The following VGLL3 variants were observed in gnomAD, a reference collection of about 807,000 sequenced individuals.
VGLL3 encodes the protein transcription cofactor vestigial-like protein 3.
In VGLL3, 18 loss-of-function variants were observed where a neutral mutation model predicts 29.2. The observed-to-expected ratio is 0.62, with a 90% confidence interval of 0.43 to 0.91. VGLL3 has a LOEUF of 0.91. Among genes scored for constraint, VGLL3 ranks in the 40% least tolerant of loss-of-function variants. The probability of loss-of-function intolerance (pLI) is 0.00; values close to 1 mark genes in which losing one functional copy is unlikely to be tolerated. For synonymous variants in VGLL3, 180 were observed against 151.8 expected (o/e 1.19, Z -1.36); for missense variants, 440 against 413.2 (o/e 1.06, Z -0.56).
chr3:86,963,251 T>G (rs1021023457), intron 3 of VGLL3, among the ~76,000 whole-genome samples: 2 of 152,172 alleles, frequency 1.3e-5, no homozygotes, highest in Admixed American at 1.3e-4. Flanking sequence ...AAATCGTACC[T>G]AGCCCCAAAA....
intron 3 of VGLL3, among the ~76,000 whole-genome samples, chr3:86,949,608 C>T (rs1232199513): frequency 4.0e-5 from 6 of 151,874 alleles, no homozygotes; most frequent in South Asian, 4.2e-4. Flanking sequence ...GGGCGGATCA[C>T]GAGGTCAGGA....
chr3:86,974,130 T>G (rs1705161048), intron 2 of VGLL3, among the ~76,000 whole-genome samples: 1 of 152,062 alleles, frequency 6.6e-6, no homozygotes. Context: ...TATTTTTTTT[T>G]TTTTTTAGAT....
chr3:86,989,653 AATCT>A (rs1705536509), intron 1 of VGLL3, among the ~76,000 whole-genome samples: 1 of 152,140 alleles, frequency 6.6e-6, no homozygotes, highest in South Asian at 2.1e-4. Flanking sequence ...TTCCTAACCA[AATCT>A]AGTTATTTTT....
chr3:86,946,861 T>A lies in VGLL3; in HGVS notation c.*163A>T. On this transcript the variant is annotated 3_prime_UTR_variant, in exon 4 of 4. Coordinates refer to ENST00000398399, the MANE Select transcript of VGLL3 (RefSeq NM_016206.4). ...CTTTTCTTCAATGTCTGGGACCCAC[T>A]TTGCTTTCTCAAGAAAGGCCGAAAA... 1 of 584,360 alleles carries A rather than the reference T, an allele frequency of 1.7e-6. No homozygotes were observed. The highest frequency in any genetic ancestry group is 3.1e-6 in the Non-Finnish European group (1 of 323,058). The allele number at this position is 584,360 out of a possible 1,614,324, so 36.2% of individuals were successfully genotyped here.
At chr3:86,986,222 A>G (rs1305195503) in intron 1 of VGLL3, among the ~76,000 whole-genome samples, 1 of 152,074 alleles carries the variant, frequency 6.6e-6, no homozygotes, top group Non-Finnish European at 1.5e-5. Flanking sequence ...TAAGGGCTAG[A>G]TAAGGTAGAA....
chr3:86,976,562 A>G (rs1361239609), intron 2 of VGLL3, among the ~76,000 whole-genome samples: 5 of 152,244 alleles, frequency 3.3e-5, no homozygotes, highest in African/African-American at 1.2e-4. Context: ...AGAAAACTTT[A>G]GTAGTAGTTA....
chr3:86,956,333 A>G (rs1273793823), intron 3 of VGLL3, among the ~76,000 whole-genome samples: 7 of 152,224 alleles, frequency 4.6e-5, no homozygotes, highest in Non-Finnish European at 8.8e-5. Context: ...CCTGCGAGTT[A>G]TGGCTTCCTT....
chr3:86,954,688 T>A (rs1704681277), intron 3 of VGLL3, among the ~76,000 whole-genome samples: 1 of 152,116 alleles, frequency 6.6e-6, no homozygotes, highest in Admixed American at 6.5e-5. Flanking sequence ...CAATAACCTC[T>A]TGGGTGATAG....
intron 3 of VGLL3, among the ~76,000 whole-genome samples, chr3:86,952,657 T>G (rs1442950593): frequency 1.3e-5 from 2 of 152,210 alleles, no homozygotes; most frequent in Non-Finnish European, 2.9e-5. Flanking sequence ...TGGATTAGAA[T>G]GCTTACTATT....
intron 3 of VGLL3, among the ~76,000 whole-genome samples, chr3:86,968,309 T>C (rs1705006953): frequency 6.6e-6 from 1 of 152,202 alleles, no homozygotes; most frequent in Non-Finnish European, 1.5e-5. Flanking sequence ...TGGGCTCATT[T>C]CTTTTTAAAC....
At chr3:86,966,762 AGT>A (rs375833254) in intron 3 of VGLL3, among the ~76,000 whole-genome samples, 5,866 of 84,876 alleles carry the variant, frequency 0.069, 829 homozygotes, top group South Asian at 0.12. Context: ...TTAAAGTAAT[AGT>A]GTGTGTGTGT....
At position 86,955,452 on chromosome 3, in the gene VGLL3, C is replaced by G. The variant is rs184982227; in HGVS notation, c.938-8385G>C. The stretch of plus-strand genomic sequence containing the variant: ...GGCTGGAGGCTGGAGTGCAATGGTA[C>G]CATCTCGGCTCACTGCAACCTCTGC... On this transcript the variant is annotated intron_variant, in intron 3 of 3. Transcript: ENST00000398399. Among the ~76,000 whole-genome samples, 557 of 147,564 alleles carry G rather than the reference C, an allele frequency of 3.8e-3. 3 individuals are homozygous for G. The highest frequency in any genetic ancestry group is 0.013 in the African/African-American group (521 of 39,434).
At chr3:86,956,676 T>C (rs1017707635) in intron 3 of VGLL3, among the ~76,000 whole-genome samples, 4 of 150,952 alleles carry the variant, frequency 2.6e-5, no homozygotes, top group African/African-American at 4.9e-5. Flanking sequence ...TCCCAGCTAC[T>C]CAGGAGGCTG....
rs372894849 is a variant in VGLL3, at chr3:86,969,439, C to T, written c.404-316G>A. Among the ~76,000 whole-genome samples the T allele has an allele frequency of 1.9e-4, 29 of 152,286 alleles. 1 individual carries two copies. The South Asian group carries it at 5.4e-3, about 28-fold the overall frequency. On this transcript the variant is annotated intron_variant, in intron 2 of 3. Coordinates refer to ENST00000398399, the MANE Select transcript of VGLL3 (RefSeq NM_016206.4). ...ATTTCATTTCCTTCTGAGTACCTTG[C>T]AGCCATTAGGCCTAAGAGGAGGTCA...
intron 1 of VGLL3, among the ~76,000 whole-genome samples, chr3:86,979,149 A>G (rs78975735): frequency 0.012 from 1,787 of 152,300 alleles, 14 homozygotes; most frequent in Non-Finnish European, 0.019. Flanking sequence ...CTTTTTTAAA[A>G]AGTTTTTCTT....
rs1251917076 is a variant in VGLL3, at chr3:86,947,058, T to A, written c.947A>T (p.His316Leu). 3.8e-6 allele frequency: 3 copies of A among 780,694 alleles called. No individual in the cohort carries two copies. Among genetic ancestry groups the A allele is most frequent in the Non-Finnish European group, 7.2e-6 (3 of 417,892 alleles). The allele number at this position is 780,694 out of a possible 1,614,324, so 48.4% of individuals were successfully genotyped here. The change falls in exon 4 of 4, where the codon CAT becomes CTT. Residue 316 changes from histidine (H) to leucine (L), a missense_variant. Physicochemically the swap from His to Leu is moderately conservative, Grantham distance 99. Transcript: ENST00000398399. The part of the protein sequence containing the change: ...PSVGFDTGLQ[H>L]QDKSKESPWY ...CGGTGATTCCTTACTCTTGTCTTGATGCTGTAGACCTGGAACAAATGACAA... is the reference window on the plus strand; with the variant it reads ...CGGTGATTCCTTACTCTTGTCTTGAAGCTGTAGACCTGGAACAAATGACAA...
intron 3 of VGLL3, among the ~76,000 whole-genome samples, chr3:86,959,116 A>G (rs1704784300): frequency 6.6e-6 from 1 of 152,170 alleles, no homozygotes; most frequent in South Asian, 2.1e-4. Context: ...TAACTATCCT[A>G]GCTGAGATAA....
chr3:86,951,539 T>C (rs1056757625), intron 3 of VGLL3, among the ~76,000 whole-genome samples: 1 of 152,178 alleles, frequency 6.6e-6, no homozygotes. Flanking sequence ...ATTCAGATCA[T>C]AGCACTGACT....
intron 2 of VGLL3, among the ~76,000 whole-genome samples, chr3:86,970,367 G>A (rs1340927016): frequency 6.6e-6 from 1 of 151,978 alleles, no homozygotes; most frequent in South Asian, 2.1e-4. Context: ...AGAGAGCCCC[G>A]ACCCAGCTTA....
Sources: allele counts gnomAD v4.1 joint callset (sites outside exome capture counted in the v4.1 genomes callset), GRCh38; gene constraint gnomAD v4.1.1; transcripts MANE v1.5; gene names NCBI Gene and HGNC (gene_info 2026-07-23, HGNC 2026-07-21).